The following CADM2 variants were observed in gnomAD, a reference collection of about 807,000 sequenced individuals.
CADM2 encodes cell adhesion molecule 2, also known as immunoglobulin superfamily member 4D.
A neutral mutation model predicts 49.8 loss-of-function variants in CADM2; 12 were observed. The ratio of observed to expected loss-of-function variants is 0.24; its 90% CI spans 0.15 to 0.39. The LOEUF (loss-of-function observed/expected upper bound fraction) is 0.39, where lower values mean the gene tolerates loss of function less well. Among genes scored for constraint, CADM2 ranks in the 10% least tolerant of loss-of-function variants. The probability of loss-of-function intolerance (pLI) is 1.00; values close to 1 mark genes in which losing one functional copy is unlikely to be tolerated. For missense variants in CADM2, 378 were observed against 492.3 expected (o/e 0.77, Z 2.20); for synonymous variants, 214 against 175.4 (o/e 1.22, Z -1.74).
At chr3:85,424,900 A>G (rs1232368839) in intron 1 of CADM2, among the ~76,000 whole-genome samples, 2 of 152,184 alleles carry the variant, frequency 1.3e-5, no homozygotes, top group Admixed American at 6.5e-5. Context: ...GCCTGTATAT[A>G]CTAGCCTTGA....
chr3:86,045,360 A>C (rs1736530760), intron 8 of CADM2, among the ~76,000 whole-genome samples: 2 of 152,184 alleles, frequency 1.3e-5, no homozygotes, highest in Non-Finnish European at 2.9e-5. Context: ...GAAGGTAATC[A>C]GATGGGCCTA....
At chr3:84,972,159 G>A (rs1278846144) in intron 1 of CADM2, among the ~76,000 whole-genome samples, 2 of 152,206 alleles carry the variant, frequency 1.3e-5, no homozygotes, top group Non-Finnish European at 2.9e-5. Context: ...TACTTCTCTT[G>A]TAGCTTAGTT....
chr3:85,530,304 G>A (rs1466600072), intron 1 of CADM2, among the ~76,000 whole-genome samples: 1 of 142,024 alleles, frequency 7.0e-6, no homozygotes, highest in Admixed American at 7.0e-5. Flanking sequence ...CTGTGAGTCA[G>A]TTAGACTTCT....
intron 1 of CADM2, among the ~76,000 whole-genome samples, chr3:85,492,741 C>T (rs1056565071): frequency 6.6e-5 from 10 of 151,738 alleles, no homozygotes; most frequent in African/African-American, 2.4e-4. Context: ...TTATTAATTC[C>T]TATCATTATG....
intron 1 of CADM2, among the ~76,000 whole-genome samples, chr3:85,033,009 A>G (rs1417270372): frequency 6.6e-6 from 1 of 152,106 alleles, no homozygotes; most frequent in East Asian, 1.9e-4. Context: ...TTGTTTGCAT[A>G]GAGGAAAAGA....
At chr3:85,966,548 A>G (rs1257907024) in intron 8 of CADM2, among the ~76,000 whole-genome samples, 2 of 151,578 alleles carry the variant, frequency 1.3e-5, no homozygotes, top group African/African-American at 2.4e-5. Flanking sequence ...ATTGCCCACT[A>G]TGCACCTTTC....
chr3:85,646,765 C>G (rs919963692), intron 1 of CADM2, among the ~76,000 whole-genome samples: 20 of 151,866 alleles, frequency 1.3e-4, no homozygotes, highest in Admixed American at 5.3e-4. Flanking sequence ...GAAAACTAGG[C>G]CAGATTTAAA....
chr3:86,062,204 G>T (rs1738739517), intron 8 of CADM2, among the ~76,000 whole-genome samples: 1 of 152,102 alleles, frequency 6.6e-6, no homozygotes, highest in South Asian at 2.1e-4. Flanking sequence ...AAATGGATAT[G>T]ATTTATGACT....
chr3:85,944,076 A>G (rs1303251673), intron 7 of CADM2, among the ~76,000 whole-genome samples: 2 of 152,116 alleles, frequency 1.3e-5, no homozygotes, highest in Non-Finnish European at 2.9e-5. Flanking sequence ...GGATGGAGGA[A>G]GATCTACCAA....
chr3:85,508,841 G>GTGTGTGTGTGTGTGTGTA (rs2040480835), intron 1 of CADM2, among the ~76,000 whole-genome samples: 1 of 39,774 alleles, frequency 2.5e-5, no homozygotes, highest in Non-Finnish European at 5.7e-5. Flanking sequence ...GTGTGTATGT[G>GTGTGTGTGTGTGTGTGTA]TGTGTGTGTG....
At chr3:85,630,789 C>G (rs1254797898) in intron 1 of CADM2, among the ~76,000 whole-genome samples, 1 of 151,902 alleles carries the variant, frequency 6.6e-6, no homozygotes, top group Non-Finnish European at 1.5e-5. Flanking sequence ...TCTCAAAATG[C>G]CAATTAGGTT....
intron 8 of CADM2, among the ~76,000 whole-genome samples, chr3:85,974,739 G>A (rs1039290271): frequency 4.0e-5 from 6 of 151,542 alleles, no homozygotes; most frequent in Admixed American, 2.0e-4. Context: ...GCAACCCAGC[G>A]TTCACTCACA....
intron 1 of CADM2, among the ~76,000 whole-genome samples, chr3:85,710,246 G>T (rs1044052153): frequency 1.6e-4 from 24 of 152,064 alleles, no homozygotes; most frequent in African/African-American, 5.8e-4. Context: ...CAGGGCCTTT[G>T]CACTGATGCT....
intron 8 of CADM2, among the ~76,000 whole-genome samples, chr3:86,056,771 T>A (rs1738039978): frequency 6.6e-6 from 1 of 152,180 alleles, no homozygotes; most frequent in South Asian, 2.1e-4. Context: ...AAGAAAATGG[T>A]GATTTTATAA....
chr3:85,823,319 A>G (rs1391895481), intron 3 of CADM2, among the ~76,000 whole-genome samples: 1 of 152,170 alleles, frequency 6.6e-6, no homozygotes, highest in Non-Finnish European at 1.5e-5. Context: ...TGATACTTCT[A>G]TTGTGCACTA....
At chr3:85,957,473 T>A (rs181019068) in intron 7 of CADM2, among the ~76,000 whole-genome samples, 3 of 151,914 alleles carry the variant, frequency 2.0e-5, no homozygotes, top group African/African-American at 7.2e-5. Flanking sequence ...ACAAACTGTT[T>A]ACTACTTTCT....
intron 1 of CADM2, among the ~76,000 whole-genome samples, chr3:85,578,144 C>T (rs539467855): frequency 1.4e-4 from 21 of 152,016 alleles, no homozygotes; most frequent in Admixed American, 4.6e-4. Flanking sequence ...AGCAGTGGCG[C>T]GATCTCGGCT....
chr3:85,832,906 G>A (rs571921600), intron 3 of CADM2, among the ~76,000 whole-genome samples: 2 of 151,872 alleles, frequency 1.3e-5, no homozygotes, highest in Non-Finnish European at 2.9e-5. Context: ...AATGCTTCCA[G>A]CTTCCGCTCA....
chr3:85,693,319 G>A (rs942309253), intron 1 of CADM2, among the ~76,000 whole-genome samples: 1 of 151,962 alleles, frequency 6.6e-6, no homozygotes, highest in Non-Finnish European at 1.5e-5. Context: ...GGTGGCTCAC[G>A]CCTGTAATCT....
Sources: allele counts gnomAD v4.1 joint callset (sites outside exome capture counted in the v4.1 genomes callset), GRCh38; gene constraint gnomAD v4.1.1; transcripts MANE v1.5; gene names NCBI Gene and HGNC (gene_info 2026-07-23, HGNC 2026-07-21).